ST8SIA2: variants seen among roughly 807,000 people sequenced by gnomAD.
ST8SIA2 encodes ST8 alpha-N-acetyl-neuraminide alpha-2,8-sialyltransferase 2.
In ST8SIA2, 22 loss-of-function variants were observed where a neutral mutation model predicts 37.6. The ratio of observed to expected loss-of-function variants is 0.58; its 90% CI spans 0.42 to 0.83. The LOEUF (loss-of-function observed/expected upper bound fraction) is 0.83, where lower values mean the gene tolerates loss of function less well. Among genes scored for constraint, ST8SIA2 ranks in the 40% least tolerant of loss-of-function variants. The pLI is 0.00. For synonymous variants in ST8SIA2, 205 were observed against 201.2 expected, an observed-to-expected ratio of 1.02 and a Z score of -0.16; for missense variants, 382 against 484.7, an observed-to-expected ratio of 0.79 and a Z score of 1.99.
At chr15:92,451,796 C>T (rs1456453781) in intron 5 of ST8SIA2, among the ~76,000 whole-genome samples, 1 of 152,098 alleles carries the variant, frequency 6.6e-6, no homozygotes, top group African/African-American at 2.4e-5. Context: ...AACTGAGCCT[C>T]AAGGAGTAAC....
At chr15:92,430,930 C>G (rs1436057049) in intron 2 of ST8SIA2, among the ~76,000 whole-genome samples, 1 of 152,102 alleles carries the variant, frequency 6.6e-6, no homozygotes, top group African/African-American at 2.4e-5. Flanking sequence ...CTATTATTTG[C>G]CCTTCCATAT....
At chr15:92,455,936 T>G (rs1472244759) in intron 5 of ST8SIA2, among the ~76,000 whole-genome samples, 2 of 152,274 alleles carry the variant, frequency 1.3e-5, no homozygotes, top group East Asian at 3.8e-4. Flanking sequence ...CAACATTAGT[T>G]ATATTTACCA....
rs73547834 is a variant in ST8SIA2 at position 92,438,340 on chromosome 15, T to C, written c.291-13T>C. 5.5e-5 allele frequency: 88 copies of C among 1,614,182 alleles called. No homozygotes were observed. In the African/African-American group the frequency reaches 1.1e-3, roughly 20 times the overall value. On this transcript the variant is annotated splice_polypyrimidine_tract_variant and intron_variant, in intron 3 of 5. Coordinates refer to ENST00000268164, the MANE Select transcript of ST8SIA2 (RefSeq NM_006011.4). ...CCCTGGAGAATTTCCTCACGCATGT[T>C]TGGTTTTCACAGGAAGCAGATTTTA... is the stretch of plus-strand genomic sequence containing the variant.
rs2049995444 is a variant in ST8SIA2, at chr15:92,466,801, C to T, written c.*2416C>T. On this transcript the variant is annotated 3_prime_UTR_variant, in exon 6 of 6. Transcript: ENST00000268164. ...GGCCTGGCCATTTGATGGCGGAGCT[C>T]CAGGGGCCTTGGCTTTCTCTGGCTC... is the stretch of plus-strand genomic sequence containing the variant. The T allele has an allele frequency of 6.6e-6, 1 of 152,478 alleles. No individual in the cohort carries two copies. Among genetic ancestry groups the T allele is most frequent in the Non-Finnish European group, 1.5e-5 (1 of 68,304 alleles). 9.4% of individuals were successfully genotyped at this position (152,478 alleles called of 1,614,324 possible).
chr15:92,408,168 C>G (rs1025624432), intron 1 of ST8SIA2, among the ~76,000 whole-genome samples: 2 of 152,152 alleles, frequency 1.3e-5, no homozygotes, highest in Non-Finnish European at 2.9e-5. Context: ...ATAAAACAAC[C>G]TTATGAATGA....
At position 92,467,628 on chromosome 15, in the gene ST8SIA2, T is replaced by C. The variant is rs2050002026; in HGVS notation, c.*3243T>C. The C allele has an allele frequency of 6.6e-6, 1 of 152,202 alleles. No homozygotes were observed. The highest frequency in any genetic ancestry group is 1.9e-4 in the East Asian group (1 of 5,200). 9.4% of individuals were successfully genotyped at this position (152,202 alleles called of 1,614,324 possible). A position where few individuals can be genotyped will look rare whatever the true frequency, so the allele number is the denominator to read the frequency against. Reference sequence around the variant, plus strand: ...ATTTATATATGTATGTATTTTTTTATTTATTATTTATTTATTGAAACCCCT... The same window carrying C: ...ATTTATATATGTATGTATTTTTTTACTTATTATTTATTTATTGAAACCCCT... On this transcript the variant is annotated 3_prime_UTR_variant, in exon 6 of 6. Coordinates refer to ENST00000268164, the MANE Select transcript of ST8SIA2 (RefSeq NM_006011.4).
chr15:92,394,783 C>T (rs867106258), intron 1 of ST8SIA2, among the ~76,000 whole-genome samples: 48 of 152,198 alleles, frequency 3.2e-4, no homozygotes, highest in Non-Finnish European at 6.3e-4. Context: ...ACTGAGACCC[C>T]CCGCCCTCGC....
chr15:92,462,711 C>A (rs889082936), intron 5 of ST8SIA2, among the ~76,000 whole-genome samples: 4 of 152,102 alleles, frequency 2.6e-5, no homozygotes, highest in African/African-American at 9.7e-5. Flanking sequence ...TGCTTGAGGA[C>A]AGAAAGATGT....
chr15:92,409,914 G>T (rs2049537269), intron 1 of ST8SIA2, among the ~76,000 whole-genome samples: 1 of 152,262 alleles, frequency 6.6e-6, no homozygotes, highest in Non-Finnish European at 1.5e-5. Flanking sequence ...CGACTGAAAA[G>T]ATGAGTACAG....
At position 92,464,353 on chromosome 15, in the gene ST8SIA2, C is replaced by T. The variant is rs1394475405; in HGVS notation, c.1096C>T (p.Leu366=). 1 of 1,613,886 alleles carries T rather than the reference C, an allele frequency of 6.2e-7. No individual in the cohort carries two copies. Among genetic ancestry groups the T allele is most frequent in the East Asian group, 2.2e-5 (1 of 44,876 alleles). ...CCTACATGAGCAGGGGGCTTTGAAA[C>T]TGACTGTCGGCCAGTGCGATGGGGC... The part of the protein sequence containing the change: ...KSLHEQGALK[L]TVGQCDGAT Residue 366 remains leucine (L), a synonymous_variant, in exon 6 of 6, where the codon CTG becomes TTG. Coordinates refer to ENST00000268164, the MANE Select transcript of ST8SIA2 (RefSeq NM_006011.4).
intron 1 of ST8SIA2, among the ~76,000 whole-genome samples, chr15:92,407,143 C>T (rs1214030042): frequency 6.6e-6 from 1 of 152,158 alleles, no homozygotes. Context: ...CCTGCAACAC[C>T]CATTTTACGG....
chr15:92,433,988 A>C (rs74850342), intron 2 of ST8SIA2, among the ~76,000 whole-genome samples: 1 of 152,066 alleles, frequency 6.6e-6, no homozygotes, highest in East Asian at 1.9e-4. Context: ...GAAAAAAAAA[A>C]TCACTAGGGG....
At chr15:92,443,218 C>G (rs1339719730) in intron 4 of ST8SIA2, among the ~76,000 whole-genome samples, 2 of 152,194 alleles carry the variant, frequency 1.3e-5, no homozygotes, top group African/African-American at 4.8e-5. Flanking sequence ...ACACTCTTAA[C>G]TGGATTTCTC....
intron 1 of ST8SIA2, among the ~76,000 whole-genome samples, chr15:92,395,142 G>C (rs970510260): frequency 6.6e-6 from 1 of 152,164 alleles, no homozygotes; most frequent in African/African-American, 2.4e-5. Flanking sequence ...GACGACAGGT[G>C]GGGAGGCAGC....
At chr15:92,413,424 C>A (rs889499336) in intron 1 of ST8SIA2, among the ~76,000 whole-genome samples, 1 of 152,116 alleles carries the variant, frequency 6.6e-6, no homozygotes, top group Non-Finnish European at 1.5e-5. Context: ...GAGCTAGGGA[C>A]CATACCGAAG....
intron 5 of ST8SIA2, among the ~76,000 whole-genome samples, chr15:92,447,483 G>A (rs941727889): frequency 7.2e-5 from 11 of 152,114 alleles, no homozygotes; most frequent in African/African-American, 2.7e-4. Context: ...CCAACCACAT[G>A]GCAGATCACC....
chr15:92,436,419 A>C (rs879061467), intron 3 of ST8SIA2, among the ~76,000 whole-genome samples: 1 of 152,190 alleles, frequency 6.6e-6, no homozygotes, highest in Non-Finnish European at 1.5e-5. Flanking sequence ...GCAACAATGT[A>C]CCTTTACCCA....
At position 92,430,100 on chromosome 15, in the gene ST8SIA2, C is replaced by A. The variant is rs559803320; in HGVS notation, c.150C>A (p.Ser50Arg). Residue 50 changes from serine (S) to arginine (R), a missense_variant, in exon 2 of 6, where the codon AGC becomes AGA. By Grantham distance (110) the Ser-to-Arg change is moderately radical (BLOSUM62 -1). Transcript: ENST00000268164. ...GATCAGCTGTGAACAGCTTACATAGCAAATCTAATAGGTTTGTAAATTAGA... is the reference window on the plus strand; with the variant it reads ...GATCAGCTGTGAACAGCTTACATAGAAAATCTAATAGGTTTGTAAATTAGA... ...TIRSAVNSLH[S>R]KSNRAEVVIN... is the part of the protein sequence containing the mutation. 8.0e-5 allele frequency: 129 copies of A among 1,614,050 alleles called. 2 individuals carry two copies. The South Asian group carries it at 1.3e-3, about 16-fold the overall frequency.
At chr15:92,408,729 G>A (rs1029625838) in intron 1 of ST8SIA2, among the ~76,000 whole-genome samples, 2 of 143,020 alleles carry the variant, frequency 1.4e-5, no homozygotes, top group African/African-American at 5.1e-5. Context: ...TTATTGAGAT[G>A]GAGTCTCACT....
Sources: allele counts gnomAD v4.1 joint callset (sites outside exome capture counted in the v4.1 genomes callset), GRCh38; gene constraint gnomAD v4.1.1; transcripts MANE v1.5; gene names NCBI Gene and HGNC (gene_info 2026-07-23, HGNC 2026-07-21).